NLRP3: variants seen among roughly 807,000 people sequenced by gnomAD.
NLRP3 encodes the protein NLR family pyrin domain containing 3, also known as NACHT, LRR and PYD domains-containing protein 3.
Under a neutral mutation model 91.3 loss-of-function variants are expected in NLRP3, and 48 were observed. The observed-to-expected ratio is 0.53, with a 90% confidence interval of 0.42 to 0.67. NLRP3 has a LOEUF of 0.67. Among genes scored for constraint, NLRP3 ranks in the 30% least tolerant of loss-of-function variants. NLRP3 has a pLI of 0.00. For missense variants in NLRP3, 982 were observed against 1,276.9 expected (o/e 0.77, Z 3.52); for synonymous variants, 561 against 507.9 (o/e 1.10, Z -1.41).
At position 247,425,461 on chromosome 1, in the gene NLRP3, G is replaced by C. The variant is rs199885115; in HGVS notation, c.2012G>C (p.Cys671Ser). 45 of 1,614,198 alleles carry C rather than the reference G, an allele frequency of 2.8e-5. No individual in the cohort carries two copies. Among genetic ancestry groups the C allele is most frequent in the Non-Finnish European group, 3.4e-5 (40 of 1,180,036 alleles). Residue 671 changes from cysteine (C) to serine (S), a missense_variant, in exon 4 of 10, where the codon TGT becomes TCT. Transcript: ENST00000336119. This position sits in a 1 kb window ranked among gnomAD's most constrained non-coding sequence, Gnocchi z 4.1. The stretch of plus-strand genomic sequence containing the variant: ...GTTTCTTCCTTTTGCATTGAGAACT[G>C]TCATCGGGTGGAGTCACTGTCCCTG... Reference protein sequence around the residue: ...HMVSSFCIENCHRVESLSLGF... With the variant: ...HMVSSFCIENSHRVESLSLGF...
rs7525979 is a variant in NLRP3, at chr1:247,424,106, C to G, written c.657C>G (p.Thr219=). 7 of 1,613,856 alleles carry G rather than the reference C, an allele frequency of 4.3e-6. No individual in the cohort carries two copies. The Admixed American group carries it at 6.7e-5, about 15-fold the overall frequency. ...ATGAGCATTCTGAGCCTGTGCACAC[C>G]GTGGTGTTCCAGGGGGCGGCAGGGA... The part of the protein sequence containing the change: ...PDDEHSEPVH[T]VVFQGAAGIG... The change falls in exon 4 of 10, where the codon ACC becomes ACG. Residue 219 remains threonine, a synonymous_variant. Coordinates refer to ENST00000336119, the MANE Select transcript of NLRP3 (RefSeq NM_001243133.2). This position sits in a 1 kb window ranked among gnomAD's most constrained non-coding sequence, Gnocchi z 8.1.
chr1:247,445,007 T>C (rs1664499353), intron 9 of NLRP3, among the ~76,000 whole-genome samples, 186 bp downstream of exon 9: 1 of 152,206 alleles, frequency 6.6e-6, no homozygotes, highest in African/African-American at 2.4e-5. Context: ...TCCACTTCAC[T>C]GAGATGGTTA....
At chr1:247,421,671 TAGCCATAACCAG>T (rs1239934172) in intron 2 of NLRP3, among the ~76,000 whole-genome samples, 1 of 152,234 alleles carries the variant, frequency 6.6e-6, no homozygotes, top group Non-Finnish European at 1.5e-5. Context: ...GGTTTATTTC[TAGCCATAACCAG>T]AGCTGGGGTA....
intron 5 of NLRP3, among the ~76,000 whole-genome samples, chr1:247,433,450 A>G (rs890263154): frequency 2.0e-5 from 3 of 152,158 alleles, no homozygotes; most frequent in African/African-American, 7.2e-5. Context: ...CCAGGAGCGC[A>G]CCATTCACAT....
intron 6 of NLRP3, among the ~76,000 whole-genome samples, chr1:247,435,205 C>T (rs1057072703): frequency 3.9e-5 from 6 of 152,038 alleles, no homozygotes; most frequent in Non-Finnish European, 7.4e-5. Context: ...AGTCAAGATC[C>T]CGTCACTGTA....
At chr1:247,422,444 T>C (rs920499320) in intron 2 of NLRP3, among the ~76,000 whole-genome samples, 1 of 152,130 alleles carries the variant, frequency 6.6e-6, no homozygotes, top group Non-Finnish European at 1.5e-5. Flanking sequence ...ATCTGTCTTA[T>C]ATATTTCCCC....
rs1662831700 is a variant in NLRP3 at position 247,425,780 on chromosome 1, T to C, written c.2150+181T>C. 7.9e-6 allele frequency: 5 copies of C among 633,172 alleles called. No individual in the cohort carries two copies. In the East Asian group the frequency reaches 1.4e-4, roughly 17 times the overall value. The allele number at this position is 633,172 out of a possible 1,614,324, so 39.2% of individuals were successfully genotyped here. The stretch of plus-strand genomic sequence containing the variant: ...CAAAGATTGATGTATGGTAGGTGGA[T>C]AAATGGGATGAGGAAAAAAAAAATA... On this transcript the variant is annotated intron_variant, in intron 4 of 9. Transcript: ENST00000336119. The surrounding 1 kb of genome is among the most constrained non-coding windows in gnomAD (Gnocchi z 4.1).
intron 7 of NLRP3, among the ~76,000 whole-genome samples, chr1:247,440,992 A>G (rs1664170821): frequency 1.3e-5 from 2 of 152,188 alleles, no homozygotes; most frequent in African/African-American, 4.8e-5. Context: ...TCATTCAATG[A>G]GATAACCCTG....
chr1:247,423,189 A>G, intron 2 of NLRP3, 41 bp from the exon 3 acceptor site: 1 of 1,613,354 alleles, frequency 6.2e-7, no homozygotes, highest in East Asian at 2.2e-5. Context: ...ATCCTCTGTG[A>G]TAATAGTTCT....
chr1:247,436,570 A>G (rs563680804), intron 7 of NLRP3, among the ~76,000 whole-genome samples: 2 of 152,318 alleles, frequency 1.3e-5, no homozygotes, highest in Admixed American at 1.3e-4. Flanking sequence ...TGCAGCCTCT[A>G]TATCCTCAAC....
At chr1:247,422,886 A>G (rs1311843206) in intron 2 of NLRP3, among the ~76,000 whole-genome samples, 1 of 152,218 alleles carries the variant, frequency 6.6e-6, no homozygotes, top group South Asian at 2.1e-4. Flanking sequence ...TGCCCTCACA[A>G]TCAGGCTGCC....
chr1:247,439,012 C>T (rs1197007006), intron 7 of NLRP3, among the ~76,000 whole-genome samples: 1 of 148,896 alleles, frequency 6.7e-6, no homozygotes, highest in African/African-American at 2.5e-5. Flanking sequence ...TATTTTCCAT[C>T]CGTCAATCCA....
chr1:247,439,973 C>T (rs893239487), intron 7 of NLRP3, among the ~76,000 whole-genome samples: 4 of 152,146 alleles, frequency 2.6e-5, no homozygotes, highest in South Asian at 2.1e-4. Flanking sequence ...ATTAATCAGT[C>T]GAGACTTTTA....
chr1:247,429,506 A>G, intron 4 of NLRP3, 79 bp from the exon 5 acceptor site: 2 of 1,511,132 alleles, frequency 1.3e-6, no homozygotes, highest in Admixed American at 1.7e-5. Context: ...AACTGGTGCC[A>G]GGCACCCCGG....
intron 4 of NLRP3, among the ~76,000 whole-genome samples, chr1:247,429,381 C>T (rs1030412211): frequency 4.6e-5 from 7 of 152,280 alleles, no homozygotes; most frequent in East Asian, 1.9e-4. Flanking sequence ...TCATGCTCTC[C>T]GTCCGAGAGG....
At chr1:247,419,524 T>A (rs12139843) in intron 2 of NLRP3, among the ~76,000 whole-genome samples, 5,265 of 152,282 alleles carry the variant, frequency 0.035, 137 homozygotes, top group Non-Finnish European at 0.051. Context: ...TCTCCAGAAC[T>A]GTTTTCATCT....
Position 247,433,426 on chromosome 1 carries a change from G to T in NLRP3, c.2322-677G>T, listed in dbSNP as rs187507549. ...GTGGGTGCACAGGCCCACACCGCCC[G>T]CTTCACTTACAAACCAGGAGCGCAC... is the stretch of plus-strand genomic sequence containing the variant. On this transcript the variant is annotated intron_variant, in intron 5 of 9. Transcript: ENST00000336119. Among the ~76,000 whole-genome samples, 182 of 152,268 alleles carry T rather than the reference G, an allele frequency of 1.2e-3. 1 individual carries two copies. Among genetic ancestry groups the T allele is most frequent in the Non-Finnish European group, 1.5e-3 (99 of 68,020 alleles).
chr1:247,434,810 G>A (rs899903026), intron 6 of NLRP3, among the ~76,000 whole-genome samples: 3 of 152,162 alleles, frequency 2.0e-5, no homozygotes, highest in East Asian at 1.9e-4. Flanking sequence ...GTGTGGGTGC[G>A]GAGAAATGGA....
chr1:247,444,383 C>T (rs900948069), intron 8 of NLRP3, among the ~76,000 whole-genome samples: 2 of 152,166 alleles, frequency 1.3e-5, no homozygotes, highest in Non-Finnish European at 2.9e-5. Flanking sequence ...ATGACACTTA[C>T]ATTTTATGGA....
Sources: allele counts gnomAD v4.1 joint callset (sites outside exome capture counted in the v4.1 genomes callset), GRCh38; gene constraint gnomAD v4.1.1; non-coding constraint Gnocchi (gnomAD v3.1); transcripts MANE v1.5; gene names NCBI Gene and HGNC (gene_info 2026-07-23, HGNC 2026-07-21).